The following PDGFC variants were observed in gnomAD, a reference collection of about 807,000 sequenced individuals.
PDGFC encodes platelet derived growth factor C, also known as platelet-derived growth factor C.
PDGFC carries 12 observed loss-of-function variants against 35.5 expected under a neutral mutation model. The ratio of observed to expected loss-of-function variants is 0.34; its 90% CI spans 0.22 to 0.55. PDGFC has a LOEUF of 0.55. Ranked by LOEUF, PDGFC falls within the 20% of genes least tolerant of loss-of-function variation. PDGFC has a pLI of 0.91. For synonymous variants in PDGFC, 159 were observed against 148.8 expected, an observed-to-expected ratio of 1.07 and a Z score of -0.50; for missense variants, 322 against 412.4, an observed-to-expected ratio of 0.78 and a Z score of 1.90.
At chr4:156,960,000 T>C (rs1362414604) in intron 1 of PDGFC, among the ~76,000 whole-genome samples, 2 of 151,902 alleles carry the variant, frequency 1.3e-5, no homozygotes, top group East Asian at 1.9e-4. Context: ...TAATTTTTTC[T>C]TCGTTATCAT....
chr4:156,830,126 T>A (rs1728891886), intron 2 of PDGFC, among the ~76,000 whole-genome samples: 1 of 152,104 alleles, frequency 6.6e-6, no homozygotes, highest in Non-Finnish European at 1.5e-5. Flanking sequence ...ATTACTAAGT[T>A]GAAAAATTAT....
At chr4:156,782,302 T>A in intron 3 of PDGFC, among the ~76,000 whole-genome samples, 1 of 152,168 alleles carries the variant, frequency 6.6e-6, no homozygotes, top group Non-Finnish European at 1.5e-5. Context: ...TCTTTGCCTA[T>A]AAAATCTTTA....
chr4:156,833,126 C>A (rs1172504409), intron 2 of PDGFC, among the ~76,000 whole-genome samples: 2 of 152,218 alleles, frequency 1.3e-5, no homozygotes, highest in Non-Finnish European at 2.9e-5. Context: ...ATGGCCTCCA[C>A]AAGGCTGTAC....
At chr4:156,931,785 T>G (rs898544600) in intron 1 of PDGFC, among the ~76,000 whole-genome samples, 3 of 152,186 alleles carry the variant, frequency 2.0e-5, no homozygotes, top group Non-Finnish European at 4.4e-5. Flanking sequence ...TATCTTTGCA[T>G]GGATTTTAAA....
At chr4:156,781,556 G>A (rs1238221693) in intron 3 of PDGFC, among the ~76,000 whole-genome samples, 1 of 152,096 alleles carries the variant, frequency 6.6e-6, no homozygotes, top group Non-Finnish European at 1.5e-5. Context: ...ACAAGCCTCG[G>A]TTAATGCAGT....
At chr4:156,771,311 T>C (rs2110811689) in intron 4 of PDGFC, among the ~76,000 whole-genome samples, 1 of 152,254 alleles carries the variant, frequency 6.6e-6, no homozygotes, top group Admixed American at 6.6e-5. Flanking sequence ...TAGAACCTGA[T>C]TCACTGCCCC....
chr4:156,895,705 T>C (rs1386737733), intron 1 of PDGFC, among the ~76,000 whole-genome samples: 1 of 151,350 alleles, frequency 6.6e-6, no homozygotes, highest in East Asian at 1.9e-4. Context: ...CTCAAAGAGA[T>C]GAAAAAATCT....
intron 1 of PDGFC, among the ~76,000 whole-genome samples, chr4:156,897,440 T>C (rs1730661782): frequency 1.3e-5 from 2 of 150,930 alleles, no homozygotes; most frequent in Admixed American, 6.6e-5. Context: ...AAATTTTCAT[T>C]CTGCCCTCCC....
chr4:156,797,927 C>T (rs1056694906), intron 3 of PDGFC, among the ~76,000 whole-genome samples: 7 of 152,176 alleles, frequency 4.6e-5, no homozygotes, highest in Non-Finnish European at 1.0e-4. Context: ...CGGTGCCTCA[C>T]GCCAGTAATT....
At chr4:156,848,947 T>C (rs934270792) in intron 2 of PDGFC, among the ~76,000 whole-genome samples, 2 of 152,040 alleles carry the variant, frequency 1.3e-5, no homozygotes, top group Non-Finnish European at 2.9e-5. Flanking sequence ...CCTTTGTCTC[T>C]GACCCAGAAG....
At chr4:156,875,689 GGGCAGATCA>G (rs1730098564) in intron 1 of PDGFC, among the ~76,000 whole-genome samples, 1 of 152,160 alleles carries the variant, frequency 6.6e-6, no homozygotes, top group African/African-American at 2.4e-5. Flanking sequence ...AGGCTGAGGT[GGGCAGATCA>G]CTTGAGGTCA....
chr4:156,955,068 A>C (rs1168933498), intron 1 of PDGFC, among the ~76,000 whole-genome samples: 1 of 152,074 alleles, frequency 6.6e-6, no homozygotes, highest in Non-Finnish European at 1.5e-5. Context: ...AGTTTAGAGA[A>C]GAGAGACATA....
At chr4:156,828,660 ATTC>A (rs1301163189) in intron 2 of PDGFC, among the ~76,000 whole-genome samples, 1 of 152,188 alleles carries the variant, frequency 6.6e-6, no homozygotes, top group African/African-American at 2.4e-5. Context: ...ATATAATTGT[ATTC>A]TGGAAATATA....
At chr4:156,951,243 G>A (rs1311066295) in intron 1 of PDGFC, among the ~76,000 whole-genome samples, 4 of 151,792 alleles carry the variant, frequency 2.6e-5, no homozygotes, top group African/African-American at 2.4e-5. Flanking sequence ...AACAACGCTC[G>A]TGATCACAAC....
At chr4:156,788,969 T>A (rs1731204608) in intron 3 of PDGFC, among the ~76,000 whole-genome samples, 1 of 152,174 alleles carries the variant, frequency 6.6e-6, no homozygotes, top group African/African-American at 2.4e-5. Flanking sequence ...AAGTGGTTAG[T>A]TTGTTCTTGG....
chr4:156,886,855 T>C (rs1192085382), intron 1 of PDGFC: 1 of 152,238 alleles, frequency 6.6e-6, no homozygotes, highest in African/African-American at 2.4e-5. Flanking sequence ...AAGATTTAAC[T>C]AACCTGGTGA....
chr4:156,762,338 C>T lies in PDGFC; in HGVS notation c.*752G>A, dbSNP rs1428314740. On this transcript the variant is annotated 3_prime_UTR_variant, in exon 6 of 6. Transcript: ENST00000502773. ...GATATATTTAACAAGATTAGAAAAG[C>T]CAACAGTTATAATGTCAAAAGGAGA... The T allele has an allele frequency of 6.6e-6, 1 of 152,366 alleles. No homozygotes were observed. The highest frequency in any genetic ancestry group is 6.6e-5 in the Admixed American group (1 of 15,252). 9.4% of individuals were successfully genotyped at this position (152,366 alleles called of 1,614,324 possible). A position where few individuals can be genotyped will look rare whatever the true frequency, so the allele number is the denominator to read the frequency against.
At chr4:156,959,958 CT>C (rs1732301903) in intron 1 of PDGFC, among the ~76,000 whole-genome samples, 1 of 151,884 alleles carries the variant, frequency 6.6e-6, no homozygotes, top group Admixed American at 6.6e-5. Flanking sequence ...GCAAAAACTT[CT>C]TTAAAATAAG....
intron 1 of PDGFC, among the ~76,000 whole-genome samples, chr4:156,875,666 C>G (rs763153131): frequency 3.3e-5 from 5 of 152,096 alleles, no homozygotes; most frequent in Non-Finnish European, 7.4e-5. Flanking sequence ...GCCTGTAATC[C>G]CAGCACTTTG....
Sources: allele counts gnomAD v4.1 joint callset (sites outside exome capture counted in the v4.1 genomes callset), GRCh38; gene constraint gnomAD v4.1.1; transcripts MANE v1.5; gene names NCBI Gene and HGNC (gene_info 2026-07-23, HGNC 2026-07-21).